The following PTPRD variants were observed in gnomAD, a reference collection of about 807,000 sequenced individuals.
PTPRD encodes the protein receptor-type tyrosine-protein phosphatase delta.
In PTPRD, 34 loss-of-function variants were observed where a neutral mutation model predicts 214.5. The ratio of observed to expected loss-of-function variants is 0.16; its 90% CI spans 0.12 to 0.21. The LOEUF (loss-of-function observed/expected upper bound fraction) is 0.21. PTPRD is among the 10% of genes least tolerant of loss of function. The probability of loss-of-function intolerance (pLI) is 1.00; values close to 1 mark genes in which losing one functional copy is unlikely to be tolerated. For synonymous variants in PTPRD, 1,128 were observed against 845.7 expected, an observed-to-expected ratio of 1.33 and a Z score of -5.79; for missense variants, 2,545 against 2,398.7, an observed-to-expected ratio of 1.06 and a Z score of -1.27.
At chr9:8,620,433 T>C (rs777518182) in intron 14 of PTPRD, among the ~76,000 whole-genome samples, 2 of 152,056 alleles carry the variant, frequency 1.3e-5, no homozygotes, top group Non-Finnish European at 2.9e-5. Flanking sequence ...CACTAGACTT[T>C]AGAGCTAGTT....
chr9:9,642,134 A>G (rs1398115183), intron 7 of PTPRD, among the ~76,000 whole-genome samples: 5 of 147,924 alleles, frequency 3.4e-5, no homozygotes, highest in Non-Finnish European at 7.4e-5. Context: ...ATGAAATTGG[A>G]AATCATCATT....
chr9:10,573,049 T>C (rs1433827104), intron 2 of PTPRD, among the ~76,000 whole-genome samples: 1 of 152,072 alleles, frequency 6.6e-6, no homozygotes, highest in Non-Finnish European at 1.5e-5. Context: ...CAACTGAAAT[T>C]TGACAGGATC....
intron 21 of PTPRD, among the ~76,000 whole-genome samples, chr9:8,516,505 T>C (rs1396244150): frequency 6.6e-6 from 1 of 152,144 alleles, no homozygotes; most frequent in Non-Finnish European, 1.5e-5. Context: ...TAGTTAAACA[T>C]ACTTCATATA....
intron 8 of PTPRD, among the ~76,000 whole-genome samples, chr9:9,466,652 G>T (rs2094179914): frequency 6.6e-6 from 1 of 152,122 alleles, no homozygotes; most frequent in East Asian, 1.9e-4. Context: ...GGGATATTCT[G>T]TATGGATAGA....
chr9:8,413,278 G>C (rs983586921), intron 35 of PTPRD, among the ~76,000 whole-genome samples: 1 of 152,102 alleles, frequency 6.6e-6, no homozygotes, highest in Non-Finnish European at 1.5e-5. Flanking sequence ...TTTAGTTTCA[G>C]ATGCAGGTGG....
At chr9:10,508,725 C>CATA (rs1201083036) in intron 2 of PTPRD, among the ~76,000 whole-genome samples, 2 of 151,920 alleles carry the variant, frequency 1.3e-5, no homozygotes, top group African/African-American at 2.4e-5. Context: ...TGTTCTCACT[C>CATA]ATAGGTGGGA....
chr9:8,516,551 G>C (rs10815896), intron 21 of PTPRD, among the ~76,000 whole-genome samples: 28,832 of 151,984 alleles, frequency 0.19, 2,918 homozygotes, highest in East Asian at 0.27. Flanking sequence ...GTGATTCACA[G>C]GTATCAGTGA....
At position 9,170,362 on chromosome 9, in the gene PTPRD, T is replaced by C. The variant is rs563458559; in HGVS notation, c.-143+12942A>G. On this transcript the variant is annotated intron_variant, in intron 10 of 45. Transcript: ENST00000381196. ...TAGATTTCACTGTGGCATCACTGAA[T>C]AGAAAAAAATAAAATAACAAAATAG... 2.6e-5 allele frequency among the ~76,000 whole-genome samples: 4 copies of C among 152,268 alleles called. No homozygotes were observed. The East Asian group carries it at 7.7e-4, about 29-fold the overall frequency.
At chr9:8,677,134 G>C (rs976669919) in intron 12 of PTPRD, among the ~76,000 whole-genome samples, 1 of 152,110 alleles carries the variant, frequency 6.6e-6, no homozygotes, top group Non-Finnish European at 1.5e-5. Context: ...CTGAAACACA[G>C]AACTGATTTT....
chr9:8,914,832 C>A (rs925211138), intron 11 of PTPRD, among the ~76,000 whole-genome samples: 1 of 152,116 alleles, frequency 6.6e-6, no homozygotes, highest in East Asian at 1.9e-4. Flanking sequence ...AAAAAGCAGA[C>A]TAACATTTAC....
intron 8 of PTPRD, among the ~76,000 whole-genome samples, chr9:9,403,352 T>A (rs1569568029): frequency 1.4e-5 from 2 of 147,924 alleles, no homozygotes; most frequent in African/African-American, 2.5e-5. Flanking sequence ...AAGAATAATG[T>A]ACGAATTGTG....
chr9:9,748,987 T>A (rs956546689), intron 6 of PTPRD, among the ~76,000 whole-genome samples: 1 of 152,084 alleles, frequency 6.6e-6, no homozygotes. Flanking sequence ...CAAAACCCAA[T>A]AGGCTAACAG....
At chr9:10,005,072 GT>G (rs2096443087) in intron 4 of PTPRD, among the ~76,000 whole-genome samples, 1 of 152,072 alleles carries the variant, frequency 6.6e-6, no homozygotes, top group Admixed American at 6.6e-5. Flanking sequence ...ATGCCTAAGT[GT>G]AAAACGTGGA....
chr9:9,356,313 G>A (rs149362882), intron 9 of PTPRD, among the ~76,000 whole-genome samples: 1 of 151,340 alleles, frequency 6.6e-6, no homozygotes, highest in African/African-American at 2.4e-5. Context: ...GAAGAGAGAG[G>A]AGAGCTGCTA....
intron 3 of PTPRD, among the ~76,000 whole-genome samples, chr9:10,271,794 C>T (rs188429924): frequency 1.2e-3 from 182 of 152,190 alleles, no homozygotes; most frequent in African/African-American, 4.2e-3. Flanking sequence ...CCACCCACCT[C>T]GGCCTCCCAA....
chr9:8,452,525 T>C (rs938385403), intron 33 of PTPRD, among the ~76,000 whole-genome samples: 1 of 152,246 alleles, frequency 6.6e-6, no homozygotes, highest in African/African-American at 2.4e-5. Flanking sequence ...GGTCTCATCA[T>C]TCTCATTTTC....
intron 10 of PTPRD, among the ~76,000 whole-genome samples, chr9:9,068,561 A>G (rs866949320): frequency 2.0e-5 from 3 of 152,088 alleles, no homozygotes; most frequent in Non-Finnish European, 4.4e-5. Context: ...AATTGCTAGG[A>G]CACCACATTA....
At chr9:10,308,104 C>T (rs932505232) in intron 3 of PTPRD, among the ~76,000 whole-genome samples, 1 of 151,708 alleles carries the variant, frequency 6.6e-6, no homozygotes, top group Non-Finnish European at 1.5e-5. Context: ...TTTATATTGC[C>T]TGTACTTTTC....
chr9:10,328,021 A>C (rs1446099859), intron 3 of PTPRD, among the ~76,000 whole-genome samples: 7 of 151,792 alleles, frequency 4.6e-5, no homozygotes, highest in Non-Finnish European at 5.9e-5. Context: ...TATATATTTC[A>C]TGTTGTAAGC....
Sources: allele counts gnomAD v4.1 joint callset (sites outside exome capture counted in the v4.1 genomes callset), GRCh38; gene constraint gnomAD v4.1.1; transcripts MANE v1.5; gene names NCBI Gene and HGNC (gene_info 2026-07-23, HGNC 2026-07-21).